The following SLC40A1 variants were observed in gnomAD, a reference collection of about 807,000 sequenced individuals.
The protein encoded by SLC40A1 is solute carrier family 40 member 1, also known as ferroportin.
In SLC40A1, 16 loss-of-function variants were observed where a neutral mutation model predicts 53.5. The observed-to-expected ratio is 0.30, with a 90% CI of 0.20 to 0.45. The LOEUF is 0.45. Among genes scored for constraint, SLC40A1 ranks in the 20% least tolerant of loss-of-function variants. The pLI is 1.00. For synonymous variants in SLC40A1, 247 were observed against 253.2 expected, an observed-to-expected ratio of 0.98 and a Z score of 0.23; for missense variants, 545 against 695.4, an observed-to-expected ratio of 0.78 and a Z score of 2.43.
intron 2 of SLC40A1, among the ~76,000 whole-genome samples, chr2:189,579,391 C>T (rs1421346689): frequency 1.3e-5 from 2 of 152,134 alleles, no homozygotes; most frequent in African/African-American, 4.8e-5. Context: ...ATTGTATTCT[C>T]ATGGTGCTGC....
In SLC40A1 at chr2:189,563,946, C is replaced by G; in HGVS notation, c.1040G>C (p.Gly347Ala). Residue 347 changes from glycine (G) to alanine (A), a missense_variant, in exon 7 of 8, where the codon GGA becomes GCA. This residue lies in a region of SLC40A1 where 234 missense variants were observed against 299.0 expected (regional missense o/e 0.78). Transcript: ENST00000261024. ...CATTATTCCAGTTATAGCTGATGCT[C>G]CCATCAAAATACTGAGGATGGAACC... ...LSGSILSILM[G>A]ASAITGIMGT... is the part of the protein sequence containing the mutation. 1 of 1,614,118 alleles carries G rather than the reference C, an allele frequency of 6.2e-7. No individual in the cohort carries two copies. The highest frequency in any genetic ancestry group is 1.1e-5 in the South Asian group (1 of 91,060).
rs988102721 is a variant in SLC40A1 at position 189,580,739 on chromosome 2, G to A, written c.-279C>T. The A allele has an allele frequency of 3.0e-6, 4 of 1,348,464 alleles. No homozygotes were observed. In the African/African-American group the frequency reaches 5.9e-5, roughly 20 times the overall value. The allele number at this position is 1,348,464 out of a possible 1,614,324, so 83.5% of individuals were successfully genotyped here. On this transcript the variant is annotated 5_prime_UTR_variant, in exon 1 of 8. Transcript: ENST00000261024. ...GTTTGGGAGGCTCAGCAGGTCGTCC[G>A]AGCCTAGCGGACGCCCTGAGCCAGC...
Position 189,561,773 on chromosome 2 carries a change from TA to T in SLC40A1, c.*104del. Reference sequence around the variant, plus strand: ...TTTAGTTCTCAAGGCACAGCTGTGGTAAAAACAGAGCAAAACACCCAGCCAT... The same window carrying T: ...TTTAGTTCTCAAGGCACAGCTGTGGTAAAACAGAGCAAAACACCCAGCCAT... On this transcript the variant is annotated 3_prime_UTR_variant, in exon 8 of 8. Transcript: ENST00000261024. The T allele has an allele frequency of 9.9e-7, 1 of 1,005,326 alleles. No homozygotes were observed. Among genetic ancestry groups the T allele is most frequent in the Non-Finnish European group, 1.5e-6 (1 of 650,580 alleles). The allele number at this position is 1,005,326 out of a possible 1,614,324, so 62.3% of individuals were successfully genotyped here. A position where few individuals can be genotyped will look rare whatever the true frequency, so the allele number is the denominator to read the frequency against.
At chr2:189,572,613 G>T in intron 4 of SLC40A1, 1 of 579,850 alleles carries the variant, frequency 1.7e-6, no homozygotes, top group Non-Finnish European at 3.1e-6. Flanking sequence ...TAAACTCTTA[G>T]AAATGCCATT....
In SLC40A1 at chr2:189,562,048, T is replaced by C. The variant is rs1276696038; in HGVS notation, c.1546A>G (p.Asn516Asp). The change falls in exon 8 of 8, where the codon AAT becomes GAT. Residue 516 changes from asparagine (N) to aspartate (D), a missense_variant. By Grantham distance (23) the Asn-to-Asp change is conservative. This residue lies in a region of SLC40A1 where 234 missense variants were observed against 299.0 expected (regional missense o/e 0.78). Transcript: ENST00000261024. ...ACGAGCAAGCCAAAAGCTTCAGGATTTGGAGCCAGGATGACCATGATGAAA... is the reference window on the plus strand; with the variant it reads ...ACGAGCAAGCCAAAAGCTTCAGGATCTGGAGCCAGGATGACCATGATGAAA... Reference protein sequence around the residue: ...LHFIMVILAPNPEAFGLLVLI... With the variant: ...LHFIMVILAPDPEAFGLLVLI... 1 of 1,614,108 alleles carries C rather than the reference T, an allele frequency of 6.2e-7. No individual in the cohort carries two copies. The highest frequency in any genetic ancestry group is 1.3e-5 in the African/African-American group (1 of 75,044).
rs1291651243 is a variant in SLC40A1 at position 189,580,435 on chromosome 2, C to T, written c.26G>A (p.Arg9His). Reference protein sequence around the residue: MTRAGDHNRQRGCCGSLAD... With the variant: MTRAGDHNHQRGCCGSLAD... Reference sequence around the variant, plus strand: ...ACACTCACCACAGCATCCTCTCTGGCGGTTGTGATCTCCCGCCCTGGTCAT... The same window carrying T: ...ACACTCACCACAGCATCCTCTCTGGTGGTTGTGATCTCCCGCCCTGGTCAT... Residue 9 changes from arginine (R) to histidine (H), a missense_variant, in exon 1 of 8, where the codon CGC becomes CAC. Arg to His is a conservative substitution (Grantham distance 29). Transcript: ENST00000261024. The T allele has an allele frequency of 6.2e-7, 1 of 1,613,850 alleles. No individual in the cohort carries two copies. The highest frequency in any genetic ancestry group is 1.3e-5 in the African/African-American group (1 of 75,042).
intron 5 of SLC40A1, 151 bp downstream of exon 5, chr2:189,571,564 G>A (rs1479349710): frequency 3.1e-6 from 4 of 1,295,516 alleles, no homozygotes; most frequent in Non-Finnish European, 3.2e-6. Context: ...CACTAAAACT[G>A]ACAATAAGGT....
chr2:189,565,860 C>T (rs1189546696), intron 5 of SLC40A1, among the ~76,000 whole-genome samples: 1 of 152,158 alleles, frequency 6.6e-6, no homozygotes, highest in Non-Finnish European at 1.5e-5. Context: ...ACAGCAGTGA[C>T]TCTACATTCA....
In SLC40A1 at chr2:189,571,833, G is replaced by A. The variant is rs780668934; in HGVS notation, c.396C>T (p.Cys132=). The A allele has an allele frequency of 5.0e-5, 80 of 1,607,008 alleles. No individual in the cohort carries two copies. Among genetic ancestry groups the A allele is most frequent in the Non-Finnish European group, 6.3e-5 (74 of 1,173,818 alleles). ...TMYHGWVLTS[C]YILIITIANI... ...TTGCAATAGTGATGATCAGGATATA[G>A]CAGGAAGTCTAAAGAATGACAAGAA... The change falls in exon 5 of 8, where the codon TGC becomes TGT. Residue 132 remains cysteine, a synonymous_variant. Coordinates refer to ENST00000261024, the MANE Select transcript of SLC40A1 (RefSeq NM_014585.6).
At chr2:189,566,543 A>T (rs2030944861) in intron 5 of SLC40A1, among the ~76,000 whole-genome samples, 1 of 152,244 alleles carries the variant, frequency 6.6e-6, no homozygotes, top group African/African-American at 2.4e-5. Context: ...TTAGAGCAGG[A>T]TTATGTGCTG....
chr2:189,578,125 T>TAC (rs764251548), intron 2 of SLC40A1: 46 of 792,034 alleles, frequency 5.8e-5, no homozygotes, highest in Non-Finnish European at 6.7e-5. Flanking sequence ...ATAATACATA[T>TAC]ACACACACAC....
intron 2 of SLC40A1, among the ~76,000 whole-genome samples, 190 bp downstream of exon 2, chr2:189,579,623 G>C (rs760088178): frequency 6.6e-6 from 1 of 152,162 alleles, no homozygotes; most frequent in Admixed American, 6.5e-5. Context: ...TGATAATTAA[G>C]TTGCATTAAC....
At position 189,563,900 on chromosome 2, in the gene SLC40A1, C is replaced by G. The variant is rs1229161450; in HGVS notation, c.1086G>C (p.Trp362Cys). 1 of 1,614,162 alleles carries G rather than the reference C, an allele frequency of 6.2e-7. No individual in the cohort carries two copies. Among genetic ancestry groups the G allele is most frequent in the East Asian group, 2.2e-5 (1 of 44,886 alleles). ...GAACCAAACCACATTTTCGACGTAG[C>G]CAAGTAAAAGCTACAGTTCCCATTA... ...TGIMGTVAFT[W>C]LRRKCGLVRT... The change falls in exon 7 of 8, where the codon TGG becomes TGC. Residue 362 changes from tryptophan to cysteine, a missense_variant. Around this residue, in one of 4 missense-constraint regions of SLC40A1, gnomAD observed 234 missense variants for 299.0 expected, o/e 0.78. Transcript: ENST00000261024.
intron 2 of SLC40A1, among the ~76,000 whole-genome samples, chr2:189,575,660 C>A (rs1056937289): frequency 1.3e-5 from 2 of 152,146 alleles, no homozygotes; most frequent in African/African-American, 4.8e-5. Context: ...TCTCCTGGGG[C>A]CTGGAATTTG....
At chr2:189,566,335 T>C (rs1299282569) in intron 5 of SLC40A1, among the ~76,000 whole-genome samples, 2 of 152,158 alleles carry the variant, frequency 1.3e-5, no homozygotes, top group Admixed American at 6.5e-5. Flanking sequence ...GGGGACACCA[T>C]TTGTATTTTC....
chr2:189,580,316 G>T, intron 1 of SLC40A1, 102 bp downstream of exon 1: 3 of 1,178,104 alleles, frequency 2.5e-6, no homozygotes, highest in South Asian at 1.2e-5. Flanking sequence ...ACAAAGCTAT[G>T]GTTCACAGCA....
chr2:189,569,966 ATATG>A (rs1314030376), intron 5 of SLC40A1, among the ~76,000 whole-genome samples: 3 of 149,842 alleles, frequency 2.0e-5, no homozygotes, highest in Non-Finnish European at 3.0e-5. Context: ...GTGTGTATAT[ATATG>A]TATGTATATA....
At chr2:189,578,331 G>A in intron 2 of SLC40A1, 1 of 1,002,468 alleles carries the variant, frequency 1.0e-6, no homozygotes, top group Non-Finnish European at 1.2e-6. Flanking sequence ...ACTTTCTCAT[G>A]AGAACTTCCT....
At position 189,561,895 on chromosome 2, in the gene SLC40A1, T is replaced by C. The variant is rs939413585; in HGVS notation, c.1699A>G (p.Asn567Asp). ...AKEVRKENQA[N>D]TSVV is the part of the protein sequence containing the mutation. ...AAACTGTCTCAAACAACAGATGTATTTGCTTGATTTTCCTTCCTAACTTCT... is the reference window on the plus strand; with the variant it reads ...AAACTGTCTCAAACAACAGATGTATCTGCTTGATTTTCCTTCCTAACTTCT... The change falls in exon 8 of 8, where the codon AAT becomes GAT. Residue 567 changes from asparagine to aspartate, a missense_variant. By Grantham distance (23) the Asn-to-Asp change is conservative (BLOSUM62 1). This residue lies in a region of SLC40A1 where 234 missense variants were observed against 299.0 expected (regional missense o/e 0.78). Coordinates refer to ENST00000261024, the MANE Select transcript of SLC40A1 (RefSeq NM_014585.6). The C allele has an allele frequency of 6.2e-7, 1 of 1,613,828 alleles. No homozygotes were observed. Among genetic ancestry groups the C allele is most frequent in the African/African-American group, 1.3e-5 (1 of 74,920 alleles).
Sources: allele counts gnomAD v4.1 joint callset (sites outside exome capture counted in the v4.1 genomes callset), GRCh38; gene constraint gnomAD v4.1.1; regional missense constraint gnomAD v4.1.1; transcripts MANE v1.5; gene names NCBI Gene and HGNC (gene_info 2026-07-23, HGNC 2026-07-21).